LYRM4: variants seen among roughly 807,000 people sequenced by gnomAD.
LYRM4 encodes the protein LYR motif containing 4.
In LYRM4, 9 loss-of-function variants were observed where a neutral mutation model predicts 11.7. The ratio of observed to expected loss-of-function variants is 0.77; its 90% CI spans 0.46 to 1.34. The LOEUF is 1.34. Ranked by LOEUF, LYRM4 falls within the 40% of genes most tolerant of loss-of-function variation. The pLI, the probability that LYRM4 is intolerant of heterozygous loss-of-function variation, is 0.00. For missense variants in LYRM4, 133 were observed against 112.5 expected (o/e 1.18, Z -0.82); for synonymous variants, 42 against 40.4 (o/e 1.04, Z -0.15).
chr6:5,216,844 C>T (rs1762301276), intron 1 of LYRM4, 106 bp from the exon 2 acceptor site: 5 of 1,336,980 alleles, frequency 3.7e-6, no homozygotes, highest in South Asian at 1.5e-5. Context: ...TTTAATCTTC[C>T]CCTACGGATA....
At chr6:5,165,620 G>C (rs1759038870) in intron 2 of LYRM4, among the ~76,000 whole-genome samples, 1 of 151,224 alleles carries the variant, frequency 6.6e-6, no homozygotes, top group South Asian at 2.1e-4. Context: ...TCGGCTCACT[G>C]CAGCCTCCAC....
At chr6:5,200,362 T>C (rs1191907468) in intron 2 of LYRM4, among the ~76,000 whole-genome samples, 1 of 152,134 alleles carries the variant, frequency 6.6e-6, no homozygotes, top group African/African-American at 2.4e-5. Flanking sequence ...TTATTCTACT[T>C]GGTTGTTAAG....
At chr6:5,032,249 G>A in the LYRM4 span, 5 of 152,134 alleles carry the variant, frequency 3.3e-5, no homozygotes, top group East Asian at 5.8e-4. Flanking sequence ...AGGGATAAGC[G>A]GTTCCCTCAA....
At chr6:5,084,059 C>T in the LYRM4 span, among the ~76,000 whole-genome samples, 2 of 152,090 alleles carry the variant, frequency 1.3e-5, no homozygotes, top group Admixed American at 6.5e-5. Flanking sequence ...TGCTTGAGGC[C>T]GGGAATTTGA....
chr6:5,079,738 A>C, the LYRM4 span, among the ~76,000 whole-genome samples: 1 of 152,360 alleles, frequency 6.6e-6, no homozygotes, highest in African/African-American at 2.4e-5. Flanking sequence ...CAGTCTCCCT[A>C]TCCTGGGAAT....
intron 2 of LYRM4, among the ~76,000 whole-genome samples, chr6:5,168,910 G>A (rs1258041473): frequency 6.6e-6 from 1 of 152,184 alleles, no homozygotes. Flanking sequence ...TGATAAAGGA[G>A]AGGGAGGAGG....
chr6:5,118,095 T>TATATATATATATA (rs34304149), intron 2 of LYRM4, among the ~76,000 whole-genome samples: 1 of 96,882 alleles, frequency 1.0e-5, no homozygotes, highest in Non-Finnish European at 2.1e-5. Flanking sequence ...TATATATATA[T>TATATATATATATA]TTTTGTTTTG....
intron 1 of LYRM4, among the ~76,000 whole-genome samples, chr6:5,239,595 GAAGGAAGA>G (rs1763751838): frequency 6.6e-6 from 1 of 152,084 alleles, no homozygotes; most frequent in African/African-American, 2.4e-5. Context: ...GCACGCTAGG[GAAGGAAGA>G]AAGAAGCTGG....
intron 1 of LYRM4, among the ~76,000 whole-genome samples, chr6:5,219,940 A>G (rs930459488): frequency 6.6e-6 from 1 of 152,216 alleles, no homozygotes; most frequent in Non-Finnish European, 1.5e-5. Context: ...AATACAAAGC[A>G]GCAGCCCCAC....
chr6:5,099,473 G>C (rs1453946591), downstream of LYRM4, among the ~76,000 whole-genome samples: 2 of 151,848 alleles, frequency 1.3e-5, no homozygotes, highest in Non-Finnish European at 2.9e-5. This position sits in a 1 kb window ranked among gnomAD's most constrained non-coding sequence, Gnocchi z 4.3. Context: ...AGCTGATCTT[G>C]AATTACTGTG....
Position 5,118,194 on chromosome 6 carries a change from C to T in LYRM4, c.208-8703G>A, listed in dbSNP as rs1763234248. 2.0e-5 allele frequency among the ~76,000 whole-genome samples: 3 copies of T among 151,166 alleles called. No homozygotes were observed. In the South Asian group the frequency reaches 6.3e-4, roughly 32 times the overall value. On this transcript the variant is annotated intron_variant, in intron 2 of 2. Coordinates refer to ENST00000330636, the MANE Select transcript of LYRM4 (RefSeq NM_020408.6). ...TGTGCTCTCAGCTCGCTGCAACCTCCACCTCCTCACCTCCTGTGTTCAAGT... is the reference window on the plus strand; with the variant it reads ...TGTGCTCTCAGCTCGCTGCAACCTCTACCTCCTCACCTCCTGTGTTCAAGT...
the LYRM4 span, among the ~76,000 whole-genome samples, chr6:5,037,425 G>C: frequency 8.7e-5 from 3 of 34,460 alleles, 1 homozygote; most frequent in South Asian, 4.4e-3. Flanking sequence ...ACACAGACCC[G>C]GCAACCATCC....
At chr6:5,159,578 T>C (rs56654056) in intron 2 of LYRM4, among the ~76,000 whole-genome samples, 9,055 of 152,286 alleles carry the variant, frequency 0.059, 446 homozygotes, top group African/African-American at 0.12. Context: ...ACATGGCTAC[T>C]ATCCAAGCCC....
intron 2 of LYRM4, among the ~76,000 whole-genome samples, chr6:5,110,940 G>A (rs1257162571): frequency 6.6e-6 from 1 of 152,194 alleles, no homozygotes; most frequent in Non-Finnish European, 1.5e-5. Context: ...ATCATCTTGA[G>A]GGCTGTGAGG....
the LYRM4 span, chr6:5,054,542 T>C: frequency 1.3e-5 from 2 of 153,786 alleles, no homozygotes; most frequent in Non-Finnish European, 2.9e-5. Context: ...CCCGGGAGTC[T>C]TGGGAGTCAT....
chr6:5,250,902 T>C (rs191842932), intron 1 of LYRM4, among the ~76,000 whole-genome samples: 19 of 152,352 alleles, frequency 1.2e-4, no homozygotes, highest in African/African-American at 4.1e-4. Context: ...ATTTGGCTGC[T>C]TAAAATAGAA....
chr6:5,200,293 C>G (rs1761312237), intron 2 of LYRM4, among the ~76,000 whole-genome samples: 1 of 152,174 alleles, frequency 6.6e-6, no homozygotes, highest in Non-Finnish European at 1.5e-5. Flanking sequence ...ACATCTCCCT[C>G]AGATGAGGAC....
chr6:5,175,318 C>T (rs1157730482), intron 2 of LYRM4, among the ~76,000 whole-genome samples: 8 of 152,132 alleles, frequency 5.3e-5, no homozygotes, highest in African/African-American at 1.7e-4. Flanking sequence ...GACTTCATTC[C>T]CACCTCCGTT....
intron 2 of LYRM4, among the ~76,000 whole-genome samples, chr6:5,193,436 G>A (rs1760878598): frequency 6.6e-6 from 1 of 152,122 alleles, no homozygotes; most frequent in African/African-American, 2.4e-5. Flanking sequence ...TCTTCCCAAA[G>A]CATCTAATAA....
Sources: allele counts gnomAD v4.1 joint callset (sites outside exome capture counted in the v4.1 genomes callset), GRCh38; gene constraint gnomAD v4.1.1; non-coding constraint Gnocchi (gnomAD v3.1); transcripts MANE v1.5; gene names NCBI Gene and HGNC (gene_info 2026-07-23, HGNC 2026-07-21).